The following ARSB variants were observed in gnomAD, a reference collection of about 807,000 sequenced individuals.
ARSB encodes arylsulfatase B.
A neutral mutation model predicts 50.9 loss-of-function variants in ARSB; 41 were observed. The observed-to-expected ratio is 0.81, with a 90% CI of 0.63 to 1.04. The LOEUF (loss-of-function observed/expected upper bound fraction) is 1.04. Ranked by LOEUF, ARSB falls within the 50% of genes least tolerant of loss-of-function variation. ARSB has a pLI of 0.00. For missense variants in ARSB, 672 were observed against 693.3 expected (o/e 0.97, Z 0.35); for synonymous variants, 269 against 284.8 (o/e 0.94, Z 0.56).
chr5:78,984,633 G>A lies in ARSB; in HGVS notation c.312+304C>T, dbSNP rs114065374. On this transcript the variant is annotated intron_variant, in intron 1 of 7. Coordinates refer to ENST00000264914, the MANE Select transcript of ARSB (RefSeq NM_000046.5). ...CTCCGCCTGCCGGCCGCGGCGCCCA[G>A]CACCCGGCATTCCCATAAACCCCTT... is the stretch of plus-strand genomic sequence containing the variant. Among the ~76,000 whole-genome samples the A allele has an allele frequency of 0.16, 24,837 of 151,850 alleles. 2,660 individuals carry two copies. The highest frequency in any genetic ancestry group is 0.22 in the Non-Finnish European group (15,075 of 67,876).
At position 78,780,213 on chromosome 5, in the gene ARSB, G is replaced by C. The variant is rs1170889070; in HGVS notation, c.*184C>G. Reference sequence around the variant, plus strand: ...AGACACATGCTCCAGCCAACAGCAGGAGTGTTGCAGATTTTATCAGCTTCT... The same window carrying C: ...AGACACATGCTCCAGCCAACAGCAGCAGTGTTGCAGATTTTATCAGCTTCT... On this transcript the variant is annotated 3_prime_UTR_variant, in exon 8 of 8. Transcript: ENST00000264914. 4.2e-5 allele frequency: 31 copies of C among 743,036 alleles called. No individual in the cohort carries two copies. The highest frequency in any genetic ancestry group is 7.8e-4 in the Middle Eastern group (2 of 2,550). The allele number at this position is 743,036 out of a possible 1,614,324, so 46.0% of individuals were successfully genotyped here.
chr5:78,838,055 C>T (rs1445061721), intron 6 of ARSB, among the ~76,000 whole-genome samples: 1 of 152,146 alleles, frequency 6.6e-6, no homozygotes, highest in Non-Finnish European at 1.5e-5. Flanking sequence ...TACTGAGTGC[C>T]TAGCAAGCTC....
At chr5:78,836,569 A>G (rs1410564445) in intron 6 of ARSB, among the ~76,000 whole-genome samples, 4 of 152,192 alleles carry the variant, frequency 2.6e-5, no homozygotes, top group Non-Finnish European at 5.9e-5. Context: ...CTTACAGTCT[A>G]TGGATGGCAA....
At chr5:78,855,816 G>A (rs140779531) in intron 5 of ARSB, among the ~76,000 whole-genome samples, 417 of 152,228 alleles carry the variant, frequency 2.7e-3, no homozygotes, top group Non-Finnish European at 3.5e-3. Flanking sequence ...GTAGGGAAAC[G>A]TTCCTCCTAG....
chr5:78,842,371 A>T (rs1186982797), intron 5 of ARSB, among the ~76,000 whole-genome samples: 1 of 152,164 alleles, frequency 6.6e-6, no homozygotes, highest in East Asian at 1.9e-4. Context: ...AGACCAGTAA[A>T]TGGCAGAGAC....
intron 5 of ARSB, among the ~76,000 whole-genome samples, chr5:78,865,527 G>C (rs920154300): frequency 2.6e-5 from 4 of 152,264 alleles, no homozygotes; most frequent in African/African-American, 4.8e-5. Flanking sequence ...ACACGCCCTG[G>C]AGACATTTTT....
intron 3 of ARSB, among the ~76,000 whole-genome samples, chr5:78,958,404 C>T (rs414063): frequency 6.6e-6 from 1 of 151,874 alleles, no homozygotes; most frequent in Non-Finnish European, 1.5e-5. Flanking sequence ...GCTGGGAAGG[C>T]GGACAGGGGA....
chr5:78,794,452 G>A (rs1460258148), intron 6 of ARSB, among the ~76,000 whole-genome samples: 2 of 152,206 alleles, frequency 1.3e-5, no homozygotes, highest in African/African-American at 4.8e-5. Context: ...GTGTGTCCTA[G>A]TGTAGAAGCA....
At chr5:78,852,041 G>T (rs1323864598) in intron 5 of ARSB, among the ~76,000 whole-genome samples, 4 of 152,074 alleles carry the variant, frequency 2.6e-5, no homozygotes, top group African/African-American at 4.8e-5. Flanking sequence ...CTTTTAATTG[G>T]AGCATTTAGC....
At chr5:78,867,010 C>T (rs1370730757) in intron 5 of ARSB, among the ~76,000 whole-genome samples, 3 of 152,182 alleles carry the variant, frequency 2.0e-5, no homozygotes, top group African/African-American at 4.8e-5. Context: ...ACCTGGGAAG[C>T]GCAAGGGGTC....
rs1050801552 is a variant in ARSB at position 78,778,886 on chromosome 5, T to A, written c.*1511A>T. 1.2e-4 allele frequency: 18 copies of A among 152,152 alleles called. No individual in the cohort carries two copies. The highest frequency in any genetic ancestry group is 4.1e-4 in the African/African-American group (17 of 41,516). 9.4% of individuals were successfully genotyped at this position (152,152 alleles called of 1,614,324 possible). On this transcript the variant is annotated 3_prime_UTR_variant, in exon 8 of 8. Transcript: ENST00000264914. ...AAATAAAATTAGCTGGGTGTGGCGGTATATGCCTGTAGTTCCAGCTATTTG... is the reference window on the plus strand; with the variant it reads ...AAATAAAATTAGCTGGGTGTGGCGGAATATGCCTGTAGTTCCAGCTATTTG...
At chr5:78,873,439 T>C (rs547916665) in intron 5 of ARSB, among the ~76,000 whole-genome samples, 7 of 150,704 alleles carry the variant, frequency 4.6e-5, no homozygotes, top group African/African-American at 1.5e-4. Flanking sequence ...ATAATACCTA[T>C]AACTAGGAGT....
Position 78,846,137 on chromosome 5 carries a change from C to T in ARSB, c.1143-6711G>A, listed in dbSNP as rs574857453. On this transcript the variant is annotated intron_variant, in intron 5 of 7. Coordinates refer to ENST00000264914, the MANE Select transcript of ARSB (RefSeq NM_000046.5). Reference sequence around the variant, plus strand: ...TTCCCAGCACCATTTATTGAAAAGACTGTCTCTTCCTCAATAAATGTTCTT... The same window carrying T: ...TTCCCAGCACCATTTATTGAAAAGATTGTCTCTTCCTCAATAAATGTTCTT... Among the ~76,000 whole-genome samples the T allele has an allele frequency of 5.3e-5, 8 of 152,250 alleles. No individual in the cohort carries two copies. The East Asian group carries it at 1.5e-3, about 29-fold the overall frequency.
rs2112616799 is a variant in ARSB, at chr5:78,780,261, T to C, written c.*136A>G. 3 of 1,190,546 alleles carry C rather than the reference T, an allele frequency of 2.5e-6. No homozygotes were observed. The highest frequency in any genetic ancestry group is 1.3e-5 in the South Asian group (1 of 77,016). The allele number at this position is 1,190,546 out of a possible 1,614,324, so 73.7% of individuals were successfully genotyped here. ...TCTTAAATGCATTAGGGGTTGAAAT[T>C]AGACACCTCGGTGTGGTTTAAGAGC... On this transcript the variant is annotated 3_prime_UTR_variant, in exon 8 of 8. Coordinates refer to ENST00000264914, the MANE Select transcript of ARSB (RefSeq NM_000046.5).
chr5:78,962,524 ATTTTTT>A, intron 3 of ARSB, among the ~76,000 whole-genome samples: 1 of 106,202 alleles, frequency 9.4e-6, no homozygotes, highest in African/African-American at 4.0e-5. Flanking sequence ...CATGTGCTCG[ATTTTTT>A]TTTTTTTTTT....
At chr5:78,851,131 A>G (rs1234336646) in intron 5 of ARSB, among the ~76,000 whole-genome samples, 1 of 151,942 alleles carries the variant, frequency 6.6e-6, no homozygotes, top group Non-Finnish European at 1.5e-5. Flanking sequence ...TTGCTTTTCT[A>G]GTTGTTTTAA....
At chr5:78,780,711 G>T (rs748034146) in intron 7 of ARSB, 49 bp from the exon 8 acceptor site, 6 of 1,608,694 alleles carry the variant, frequency 3.7e-6, no homozygotes, top group African/African-American at 1.3e-5. Flanking sequence ...ACAGAGGCAG[G>T]TTCTAATTTC....
chr5:78,859,226 A>G (rs1746306913), intron 5 of ARSB, among the ~76,000 whole-genome samples: 1 of 152,194 alleles, frequency 6.6e-6, no homozygotes, highest in Non-Finnish European at 1.5e-5. Context: ...ATGTTGATGA[A>G]ATTCAGTGAG....
chr5:78,831,740 C>T (rs964089250), intron 6 of ARSB, among the ~76,000 whole-genome samples: 1 of 152,104 alleles, frequency 6.6e-6, no homozygotes, highest in Admixed American at 6.5e-5. Flanking sequence ...GCCAAGGGGC[C>T]CTTAGCCTCT....
Sources: allele counts gnomAD v4.1 joint callset (sites outside exome capture counted in the v4.1 genomes callset), GRCh38; gene constraint gnomAD v4.1.1; transcripts MANE v1.5; gene names NCBI Gene and HGNC (gene_info 2026-07-23, HGNC 2026-07-21).